Variants in GPR158 observed in about 807,000 individuals in gnomAD.
GPR158 encodes the protein G protein-coupled receptor 158.
GPR158 carries 30 observed loss-of-function variants against 78.2 expected under a neutral mutation model. That is an observed-to-expected ratio of 0.38 (90% CI 0.29 to 0.52). The LOEUF (loss-of-function observed/expected upper bound fraction) is 0.52, where lower values mean the gene tolerates loss of function less well. GPR158 is among the 20% of genes least tolerant of loss of function. The pLI is 0.83. For missense variants in GPR158, 1,463 were observed against 1,523.5 expected, an observed-to-expected ratio of 0.96 and a Z score of 0.66; for synonymous variants, 581 against 591.1, an observed-to-expected ratio of 0.98 and a Z score of 0.25.
chr10:25,384,427 T>C (rs1588838230), intron 2 of GPR158, among the ~76,000 whole-genome samples: 1 of 152,152 alleles, frequency 6.6e-6, no homozygotes, highest in African/African-American at 2.4e-5. Context: ...TTCTGACTCA[T>C]GAAGAAGATG....
chr10:25,314,212 T>C (rs1854811573), intron 2 of GPR158, among the ~76,000 whole-genome samples: 1 of 152,154 alleles, frequency 6.6e-6, no homozygotes, highest in Middle Eastern at 3.4e-3. Context: ...GCAATTCTCC[T>C]CCCTCAGCCT....
intron 5 of GPR158, among the ~76,000 whole-genome samples, chr10:25,500,216 T>C (rs1291025763): frequency 1.3e-5 from 2 of 152,202 alleles, no homozygotes; most frequent in African/African-American, 4.8e-5. Context: ...TGGTAGTAAT[T>C]TGAGCTTGTA....
chr10:25,371,227 A>G (rs1346180937), intron 2 of GPR158, among the ~76,000 whole-genome samples: 1 of 148,272 alleles, frequency 6.7e-6, no homozygotes, highest in Admixed American at 6.7e-5. Flanking sequence ...TTAGCTGGTT[A>G]TTTTGCTCAT....
chr10:25,410,475 G>C (rs1233329134), intron 3 of GPR158, among the ~76,000 whole-genome samples: 3 of 152,074 alleles, frequency 2.0e-5, no homozygotes, highest in African/African-American at 7.2e-5. Flanking sequence ...AATTAGCCAG[G>C]CGTGGTGGCG....
At chr10:25,317,341 C>T (rs1854869365) in intron 2 of GPR158, among the ~76,000 whole-genome samples, 1 of 152,088 alleles carries the variant, frequency 6.6e-6, no homozygotes, top group South Asian at 2.1e-4. Context: ...AGCCACTACA[C>T]CTGGCCTGTG....
At chr10:25,422,851 C>CCG (rs35631992) in intron 4 of GPR158, among the ~76,000 whole-genome samples, 4 of 20,662 alleles carry the variant, frequency 1.9e-4, no homozygotes, top group Non-Finnish European at 5.7e-4. Context: ...TATTCCCTTA[C>CCG]CCCCCCCACA....
At chr10:25,442,435 C>T (rs79074210) in intron 4 of GPR158, among the ~76,000 whole-genome samples, 10,588 of 152,176 alleles carry the variant, frequency 0.07, 464 homozygotes, top group South Asian at 0.18. Flanking sequence ...GGAGCAGCTG[C>T]AGTTCAGTTG....
chr10:25,334,576 G>C (rs1329612791), intron 2 of GPR158, among the ~76,000 whole-genome samples: 1 of 151,926 alleles, frequency 6.6e-6, no homozygotes, highest in Non-Finnish European at 1.5e-5. Context: ...AGCAGAGCTA[G>C]AATGTACGAT....
intron 5 of GPR158, among the ~76,000 whole-genome samples, chr10:25,530,123 G>A (rs74124062): frequency 0.019 from 2,848 of 152,124 alleles, 89 homozygotes; most frequent in African/African-American, 0.065. Context: ...GATCTTTGTC[G>A]TCCTTATACT....
intron 2 of GPR158, among the ~76,000 whole-genome samples, chr10:25,300,153 G>T (rs891054679): frequency 1.3e-5 from 2 of 152,166 alleles, no homozygotes; most frequent in East Asian, 3.9e-4. Flanking sequence ...TAGATTACAA[G>T]TCTGACACAG....
At chr10:25,357,236 A>T (rs1233520578) in intron 2 of GPR158, among the ~76,000 whole-genome samples, 1 of 152,240 alleles carries the variant, frequency 6.6e-6, no homozygotes, top group Admixed American at 6.5e-5. Context: ...AGGGGAGAAG[A>T]TCATAAAAGT....
intron 1 of GPR158, among the ~76,000 whole-genome samples, chr10:25,198,110 G>A (rs1401919609): frequency 1.3e-5 from 2 of 152,214 alleles, no homozygotes; most frequent in African/African-American, 2.4e-5. Context: ...TAAGAGATGT[G>A]CTGCATTTAA....
At chr10:25,576,422 C>T (rs1588920250) in intron 7 of GPR158, among the ~76,000 whole-genome samples, 1 of 152,144 alleles carries the variant, frequency 6.6e-6, no homozygotes, top group African/African-American at 2.4e-5. Flanking sequence ...TTTACTCCTC[C>T]TAAATTCTGC....
intron 6 of GPR158, among the ~76,000 whole-genome samples, chr10:25,556,927 TTGAC>T (rs1564489024): frequency 3.9e-5 from 6 of 152,262 alleles, no homozygotes; most frequent in Admixed American, 6.5e-5. Flanking sequence ...GTGGCTTGAC[TTGAC>T]TTTCTCTTTT....
At chr10:25,526,452 G>A (rs574299994) in intron 5 of GPR158, among the ~76,000 whole-genome samples, 2 of 152,116 alleles carry the variant, frequency 1.3e-5, no homozygotes, top group African/African-American at 4.8e-5. Context: ...GGAAATTGAG[G>A]GGGTAAATTA....
chr10:25,214,308 T>C (rs1035299669), intron 1 of GPR158, among the ~76,000 whole-genome samples: 4 of 152,146 alleles, frequency 2.6e-5, no homozygotes, highest in African/African-American at 9.7e-5. Flanking sequence ...CTCCCTTATT[T>C]ATTTACTTAT....
intron 2 of GPR158, among the ~76,000 whole-genome samples, chr10:25,276,156 TA>T (rs1271353800): frequency 1.3e-5 from 2 of 152,210 alleles, no homozygotes; most frequent in African/African-American, 4.8e-5. Flanking sequence ...GGTAACACTT[TA>T]TTTTAGGTGT....
chr10:25,471,058 A>C (rs979567371), intron 5 of GPR158, among the ~76,000 whole-genome samples: 11 of 151,972 alleles, frequency 7.2e-5, no homozygotes, highest in Non-Finnish European at 1.3e-4. Context: ...TGCTGCACCC[A>C]TTAACTTGTC....
chr10:25,288,955 G>T (rs892430418), intron 2 of GPR158, among the ~76,000 whole-genome samples: 14 of 152,098 alleles, frequency 9.2e-5, no homozygotes, highest in African/African-American at 3.4e-4. Flanking sequence ...CTTTCCATCG[G>T]CTTCCTTTCT....
Sources: gnomAD v4.1 joint callset for allele counts (sites outside exome capture counted in the v4.1 genomes callset) on GRCh38, gnomAD v4.1.1 for gene constraint, MANE v1.5 for transcripts, NCBI Gene and HGNC (gene_info 2026-07-23, HGNC 2026-07-21) for gene names.